Variants in ZFHX4 observed in about 807,000 individuals in gnomAD.
ZFHX4 encodes zinc finger homeobox 4.
Under a neutral mutation model 267.6 loss-of-function variants are expected in ZFHX4, and 56 were observed. The ratio of observed to expected loss-of-function variants is 0.21; its 90% confidence interval spans 0.17 to 0.26. The LOEUF (loss-of-function observed/expected upper bound fraction) is 0.26, where lower values mean the gene tolerates loss of function less well. ZFHX4 is among the 10% of genes least tolerant of loss of function. The pLI is 1.00. For missense variants in ZFHX4, 4,332 were observed against 4,420.0 expected, an observed-to-expected ratio of 0.98 and a Z score of 0.56; for synonymous variants, 1,778 against 1,665.6, an observed-to-expected ratio of 1.07 and a Z score of -1.64.
chr8:76,733,688 C>T (rs1046708169), intron 3 of ZFHX4, among the ~76,000 whole-genome samples: 1 of 152,104 alleles, frequency 6.6e-6, no homozygotes, highest in African/African-American at 2.4e-5. Flanking sequence ...TTTTTAAGAT[C>T]ATGCCCAGAT....
intron 1 of ZFHX4, among the ~76,000 whole-genome samples, chr8:76,683,483 G>A (rs1047855376): frequency 6.6e-6 from 1 of 151,344 alleles, no homozygotes; most frequent in Non-Finnish European, 1.5e-5. Flanking sequence ...CTCAGACAGA[G>A]GCAGGTTCAC....
intron 4 of ZFHX4, among the ~76,000 whole-genome samples, chr8:76,819,255 C>A (rs1811583884): frequency 6.8e-6 from 1 of 146,620 alleles, no homozygotes; most frequent in South Asian, 2.2e-4. Flanking sequence ...TTATTTATAA[C>A]ATTTAGAGCT....
chr8:76,799,737 G>T (rs1437289089), intron 4 of ZFHX4, among the ~76,000 whole-genome samples: 1 of 151,880 alleles, frequency 6.6e-6, no homozygotes, highest in Non-Finnish European at 1.5e-5. Context: ...TTTCTTTAAT[G>T]AAGCATTGAT....
chr8:76,827,182 A>T (rs1022736416), intron 4 of ZFHX4, among the ~76,000 whole-genome samples: 2 of 151,920 alleles, frequency 1.3e-5, no homozygotes, highest in Non-Finnish European at 2.9e-5. Flanking sequence ...TGGGGATGAA[A>T]CTGTTCCACC....
Position 76,708,071 on chromosome 8 carries a change from G to A in ZFHX4, c.3093+23G>A, listed in dbSNP as rs139930164. ...AAGGTAAGCAGTGACATCCATTTCCGTTGGCACAGAGTAGAAAAGGGAATT... is the reference window on the plus strand; with the variant it reads ...AAGGTAAGCAGTGACATCCATTTCCATTGGCACAGAGTAGAAAAGGGAATT... On this transcript the variant is annotated intron_variant, in intron 3 of 10. Coordinates refer to ENST00000651372, the MANE Select transcript of ZFHX4 (RefSeq NM_024721.5). 9.1e-5 allele frequency: 147 copies of A among 1,610,918 alleles called. No individual in the cohort carries two copies. The African/African-American group carries it at 1.5e-3, about 17-fold the overall frequency.
intron 4 of ZFHX4, among the ~76,000 whole-genome samples, chr8:76,826,310 C>A (rs1811783191): frequency 6.6e-6 from 1 of 152,166 alleles, no homozygotes; most frequent in African/African-American, 2.4e-5. Flanking sequence ...AATCACCTCC[C>A]ACCAGACCCT....
chr8:76,695,403 A>C (rs1476043502), intron 1 of ZFHX4, among the ~76,000 whole-genome samples: 1 of 152,236 alleles, frequency 6.6e-6, no homozygotes, highest in African/African-American at 2.4e-5. Context: ...TCAGAAAGAT[A>C]ATATTGGAGT....
chr8:76,855,095 A>C lies in ZFHX4; in HGVS notation c.8174A>C (p.Gln2725Pro). Residue 2725 changes from glutamine (Q) to proline (P), a missense_variant, in exon 10 of 11, where the codon CAG becomes CCG. Physicochemically the swap from Gln to Pro is moderately conservative, Grantham distance 76. This residue lies in a region of ZFHX4 where 1,648 missense variants were observed against 1,625.0 expected (regional missense o/e 1.01). Transcript: ENST00000651372. ...ISTEDGGESP[Q>P]KYIYFDYPSL... is the part of the protein sequence containing the mutation. Reference sequence around the variant, plus strand: ...ACCGAAGATGGGGGAGAAAGCCCACAGAAATACATCTATTTTGATTACCCA... The same window carrying C: ...ACCGAAGATGGGGGAGAAAGCCCACCGAAATACATCTATTTTGATTACCCA... 1 of 1,613,928 alleles carries C rather than the reference A, an allele frequency of 6.2e-7. No homozygotes were observed. Among genetic ancestry groups the C allele is most frequent in the Non-Finnish European group, 8.5e-7 (1 of 1,179,842 alleles).
At position 76,866,651 on chromosome 8, in the gene ZFHX4, T is replaced by G. The variant is rs1046698996; in HGVS notation, c.*2086T>G. On this transcript the variant is annotated 3_prime_UTR_variant, in exon 11 of 11. Coordinates refer to ENST00000651372, the MANE Select transcript of ZFHX4 (RefSeq NM_024721.5). ...AATGTTAAGCAGCAGCATTGTGAGA[T>G]CGATCTGTCCTGGCAGTTAACACGA... 1 of 152,508 alleles carries G rather than the reference T, an allele frequency of 6.6e-6. No homozygotes were observed. Among genetic ancestry groups the G allele is most frequent in the Non-Finnish European group, 1.5e-5 (1 of 68,016 alleles). The allele number at this position is 152,508 out of a possible 1,614,324, so 9.4% of individuals were successfully genotyped here.
In ZFHX4 at chr8:76,849,095, A is replaced by T. The variant is rs767470584; in HGVS notation, c.3612A>T (p.Lys1204Asn). The T allele has an allele frequency of 6.4e-7, 1 of 1,565,650 alleles. No homozygotes were observed. Among genetic ancestry groups the T allele is most frequent in the Non-Finnish European group, 8.7e-7 (1 of 1,154,690 alleles). Reference sequence around the variant, plus strand: ...AGGATGTTGCAACAAAAAGGTCAAAACCTACAGAGGACAATAAATTCTGTC... The same window carrying T: ...AGGATGTTGCAACAAAAAGGTCAAATCCTACAGAGGACAATAAATTCTGTC... ...KEEDVATKRS[K>N]PTEDNKFCHE... Residue 1204 changes from lysine (K) to asparagine (N), a missense_variant, in exon 7 of 11, where the codon AAA becomes AAT. Physicochemically the swap from Lys to Asn is moderately conservative, Grantham distance 94. Transcript: ENST00000651372.
chr8:76,819,303 T>C (rs1811585200), intron 4 of ZFHX4, among the ~76,000 whole-genome samples: 1 of 152,090 alleles, frequency 6.6e-6, no homozygotes, highest in Admixed American at 6.6e-5. Flanking sequence ...CTGAATAAAG[T>C]GGAAATATTT....
At chr8:76,793,573 G>T (rs1309023413) in intron 4 of ZFHX4, among the ~76,000 whole-genome samples, 6 of 152,020 alleles carry the variant, frequency 3.9e-5, no homozygotes, top group Non-Finnish European at 8.8e-5. Flanking sequence ...ATGAATTTGG[G>T]GATGTATATT....
chr8:76,686,628 A>T (rs1807699081), intron 1 of ZFHX4, among the ~76,000 whole-genome samples: 2 of 151,666 alleles, frequency 1.3e-5, no homozygotes, highest in South Asian at 4.2e-4. Flanking sequence ...TCCCTTTCCT[A>T]CTTGCTATTT....
At chr8:76,856,600 T>G (rs770972087) in intron 10 of ZFHX4, among the ~76,000 whole-genome samples, 2 of 152,206 alleles carry the variant, frequency 1.3e-5, no homozygotes, top group Non-Finnish European at 2.9e-5. Flanking sequence ...AATTTCAATC[T>G]TGATTTCAGA....
In ZFHX4 at chr8:76,852,341, A is replaced by G. The variant is rs770741100; in HGVS notation, c.5420A>G (p.Gln1807Arg). ...CAAGCACAACAATACCAAGCCACAC[A>G]GCCCCAGCTGCAGCCTCAAAAACAA... ...QQQAQQYQAT[Q>R]PQLQPQKQQQ... The change falls in exon 10 of 11, where the codon CAG becomes CGG. Residue 1807 changes from glutamine (Q) to arginine (R), a missense_variant. By Grantham distance (43) the Gln-to-Arg change is conservative (BLOSUM62 1). Transcript: ENST00000651372. 3.9e-6 allele frequency: 6 copies of G among 1,553,344 alleles called. No homozygotes were observed. Among genetic ancestry groups the G allele is most frequent in the East Asian group, 4.9e-5 (2 of 40,988 alleles).
intron 3 of ZFHX4, among the ~76,000 whole-genome samples, chr8:76,752,485 TCC>T (rs1183051332): frequency 0.061 from 1,466 of 23,884 alleles, 84 homozygotes; most frequent in African/African-American, 0.24. Flanking sequence ...CTACCAAAAA[TCC>T]AAAAAAAAAA....
At chr8:76,715,257 C>T (rs1166658570) in intron 3 of ZFHX4, among the ~76,000 whole-genome samples, 3 of 151,908 alleles carry the variant, frequency 2.0e-5, no homozygotes, top group Non-Finnish European at 2.9e-5. Flanking sequence ...CTTTGAGAGG[C>T]TGAGGTGGGT....
At chr8:76,708,070 C>A in intron 3 of ZFHX4, 22 bp downstream of exon 3, 1 of 1,611,112 alleles carries the variant, frequency 6.2e-7, no homozygotes, top group Admixed American at 1.7e-5. Context: ...CATCCATTTC[C>A]GTTGGCACAG....
rs1812613362 is a variant in ZFHX4, at chr8:76,853,672, C to G, written c.6751C>G (p.Pro2251Ala). 6.2e-7 allele frequency: 1 copy of G among 1,613,442 alleles called. No individual in the cohort carries two copies. The highest frequency in any genetic ancestry group is 8.5e-7 in the Non-Finnish European group (1 of 1,179,768). The change falls in exon 10 of 11, where the codon CCA (proline) becomes GCA (alanine). Residue 2251 changes from proline (P) to alanine (A), a missense_variant. Coordinates refer to ENST00000651372, the MANE Select transcript of ZFHX4 (RefSeq NM_024721.5). ...AGACTTTTTTGACACAAACGCTTAC[C>G]CAAAAGATGATGAAATAGAACAACT... ...LQDFFDTNAYPKDDEIEQLST... is the reference protein window; with the variant it reads ...LQDFFDTNAYAKDDEIEQLST...
Sources: allele counts gnomAD v4.1 joint callset (sites outside exome capture counted in the v4.1 genomes callset), GRCh38; gene constraint gnomAD v4.1.1; regional missense constraint gnomAD v4.1.1; transcripts MANE v1.5; gene names NCBI Gene and HGNC (gene_info 2026-07-23, HGNC 2026-07-21).